The following KLHDC1 variants were observed in gnomAD, a reference collection of about 807,000 sequenced individuals.
The protein encoded by KLHDC1 is kelch domain-containing protein 1.
Under a neutral mutation model 68.3 loss-of-function variants are expected in KLHDC1, and 53 were observed. The observed-to-expected ratio is 0.78, with a 90% confidence interval of 0.62 to 0.98. The LOEUF is 0.98. Among genes scored for constraint, KLHDC1 ranks in the 50% least tolerant of loss-of-function variants. The pLI, the probability that KLHDC1 is intolerant of heterozygous loss-of-function variation, is 0.00. For synonymous variants in KLHDC1, 148 were observed against 159.0 expected (o/e 0.93, Z 0.52); for missense variants, 470 against 492.3 (o/e 0.95, Z 0.43).
At chr14:49,716,289 T>C (rs2139745320) in intron 4 of KLHDC1, among the ~76,000 whole-genome samples, 1 of 152,306 alleles carries the variant, frequency 6.6e-6, no homozygotes, top group African/African-American at 2.4e-5. Context: ...AAAGGTTTTT[T>C]GTTGTTGTTA....
At chr14:49,722,964 G>A (rs1888569519) in intron 4 of KLHDC1, among the ~76,000 whole-genome samples, 1 of 151,884 alleles carries the variant, frequency 6.6e-6, no homozygotes, top group Admixed American at 6.6e-5. Flanking sequence ...GCAGGCGCCT[G>A]TAATCCCAGC....
At position 49,734,622 on chromosome 14, in the gene KLHDC1, G is replaced by T. The variant is rs757001415; in HGVS notation, c.857G>T (p.Cys286Phe). 1 of 1,597,424 alleles carries T rather than the reference G, an allele frequency of 6.3e-7. No homozygotes were observed. The highest frequency in any genetic ancestry group is 1.1e-5 in the South Asian group (1 of 88,928). Residue 286 changes from cysteine (C) to phenylalanine (F), a missense_variant, in exon 10 of 13, where the codon TGT (cysteine) becomes TTT (phenylalanine). Transcript: ENST00000359332. ...TGGATTCATAATGTCACAACAAATT[G>T]TTGGAAACAACTTACACATTTACCT... is the stretch of plus-strand genomic sequence containing the variant. The part of the protein sequence containing the change: ...DGWIHNVTTN[C>F]WKQLTHLPKT...
intron 12 of KLHDC1, among the ~76,000 whole-genome samples, chr14:49,747,588 A>T (rs1889230804): frequency 6.6e-6 from 1 of 152,172 alleles, no homozygotes; most frequent in South Asian, 2.1e-4. Flanking sequence ...TATAGATAGA[A>T]AACTTTTTTG....
intron 10 of KLHDC1, among the ~76,000 whole-genome samples, chr14:49,735,454 A>G (rs912075656): frequency 6.6e-6 from 1 of 152,140 alleles, no homozygotes; most frequent in Non-Finnish European, 1.5e-5. Flanking sequence ...TACTTGAGAA[A>G]AAGGCCTGAA....
chr14:49,740,946 G>A (rs1889050480), intron 11 of KLHDC1, among the ~76,000 whole-genome samples: 1 of 151,838 alleles, frequency 6.6e-6, no homozygotes, highest in African/African-American at 2.4e-5. Flanking sequence ...ATACAAAAAT[G>A]ACCCAGGTGT....
intron 8 of KLHDC1, among the ~76,000 whole-genome samples, chr14:49,731,491 C>T (rs1888807876): frequency 6.6e-6 from 1 of 151,402 alleles, no homozygotes; most frequent in Non-Finnish European, 1.5e-5. Flanking sequence ...TTTTTGGAGA[C>T]GGAGTTTCGC....
intron 1 of KLHDC1, among the ~76,000 whole-genome samples, chr14:49,707,021 C>T (rs1238086855): frequency 2.0e-5 from 3 of 152,112 alleles, no homozygotes; most frequent in Non-Finnish European, 4.4e-5. Context: ...GCTTTGGTGG[C>T]CTGTGCCTGT....
chr14:49,709,615 C>T (rs937232669), intron 2 of KLHDC1, 94 bp from the exon 3 acceptor site: 1 of 591,372 alleles, frequency 1.7e-6, no homozygotes, highest in Admixed American at 3.1e-5. Context: ...TTGACAGTGA[C>T]AGTTTTCACT....
Position 49,740,201 on chromosome 14 carries a change from T to C in KLHDC1, c.981+19T>C. 7.0e-7 allele frequency: 1 copy of C among 1,427,792 alleles called. No homozygotes were observed. Among genetic ancestry groups the C allele is most frequent in the Non-Finnish European group, 9.8e-7 (1 of 1,016,676 alleles). The allele number at this position is 1,427,792 out of a possible 1,614,324, so 88.4% of individuals were successfully genotyped here. A position where few individuals can be genotyped will look rare whatever the true frequency, so the allele number is the denominator to read the frequency against. On this transcript the variant is annotated intron_variant, in intron 11 of 12. Transcript: ENST00000359332. Reference sequence around the variant, plus strand: ...GGATACAGTAAGAAAATCTTATATCTAAATATTTCCTCTGAGTAGTTGTGT... The same window carrying C: ...GGATACAGTAAGAAAATCTTATATCCAAATATTTCCTCTGAGTAGTTGTGT...
At chr14:49,697,927 C>T (rs1339623660) in intron 1 of KLHDC1, among the ~76,000 whole-genome samples, 3 of 152,128 alleles carry the variant, frequency 2.0e-5, no homozygotes, top group African/African-American at 7.2e-5. Flanking sequence ...CAGATACCAA[C>T]AGACGTGTAT....
chr14:49,700,884 C>T (rs1216264227), intron 1 of KLHDC1, among the ~76,000 whole-genome samples: 1 of 151,896 alleles, frequency 6.6e-6, no homozygotes, highest in African/African-American at 2.4e-5. Context: ...AGTTCAAGAC[C>T]AGCCTGGCCA....
intron 10 of KLHDC1, among the ~76,000 whole-genome samples, chr14:49,739,783 G>C (rs546372852): frequency 1.3e-5 from 2 of 152,248 alleles, no homozygotes; most frequent in African/African-American, 2.4e-5. Context: ...GCGTGTGGTG[G>C]CTCATGCCTA....
intron 4 of KLHDC1, among the ~76,000 whole-genome samples, chr14:49,714,442 G>C (rs1420799136): frequency 6.6e-6 from 1 of 151,302 alleles, no homozygotes; most frequent in Non-Finnish European, 1.5e-5. Context: ...CATTGCACTC[G>C]AGCCTGGGTA....
rs34856234 is a variant in KLHDC1, at chr14:49,699,161, CAAAAAAAAAA to C, written c.96+5883_96+5892del. Among the ~76,000 whole-genome samples, 6 of 107,772 alleles carry C rather than the reference CAAAAAAAAAA, an allele frequency of 5.6e-5. No individual in the cohort carries two copies. The East Asian group carries it at 1.7e-3, about 31-fold the overall frequency. 70.7% of individuals were successfully genotyped at this position (107,772 alleles called of 152,430 possible). On this transcript the variant is annotated intron_variant, in intron 1 of 12. Transcript: ENST00000359332. ...TCTGGGTGATAGAGCAAGACTGTCT[CAAAAAAAAAA>C]AAAAAAAAAAATCACAGTTCTTCAG...
At chr14:49,713,610 C>T (rs1204322997) in intron 4 of KLHDC1, among the ~76,000 whole-genome samples, 1 of 150,946 alleles carries the variant, frequency 6.6e-6, no homozygotes, top group Admixed American at 6.6e-5. Flanking sequence ...TGTCGGCCTG[C>T]CCTAGTGGCT....
intron 10 of KLHDC1, among the ~76,000 whole-genome samples, chr14:49,736,614 T>A (rs1477182022): frequency 1.3e-5 from 2 of 152,190 alleles, no homozygotes; most frequent in Non-Finnish European, 2.9e-5. Flanking sequence ...TTTGTACAAA[T>A]TTTTCAAGTT....
Position 49,729,530 on chromosome 14 carries a change from C to G in KLHDC1, c.692C>G (p.Thr231Ser), listed in dbSNP as rs372468275. ...GATTTGCACTATCTAAACCTAGACA[C>G]CTGGACTTGGTCTGGAAGGTAAGTT... is the stretch of plus-strand genomic sequence containing the variant. ...MNDLHYLNLDTWTWSGRITIN... is the reference protein window; with the variant it reads ...MNDLHYLNLDSWTWSGRITIN... The change falls in exon 8 of 13, where the codon ACC becomes AGC. Residue 231 changes from threonine to serine, a missense_variant. Coordinates refer to ENST00000359332, the MANE Select transcript of KLHDC1 (RefSeq NM_172193.3). 2.5e-6 allele frequency: 4 copies of G among 1,610,056 alleles called. No individual in the cohort carries two copies. Among genetic ancestry groups the G allele is most frequent in the Non-Finnish European group, 3.4e-6 (4 of 1,176,674 alleles).
chr14:49,723,359 C>G (rs1402224554), intron 4 of KLHDC1, among the ~76,000 whole-genome samples: 1 of 151,588 alleles, frequency 6.6e-6, no homozygotes, highest in East Asian at 2.0e-4. Context: ...ATGGTGAAAC[C>G]CCATCTCTAC....
chr14:49,712,502 CT>C (rs776185436), intron 4 of KLHDC1, among the ~76,000 whole-genome samples: 2,069 of 133,630 alleles, frequency 0.015, 26 homozygotes, highest in African/African-American at 0.049. Context: ...CATAGATTTT[CT>C]TTTTTTTTTT....
Sources: gnomAD v4.1 joint callset for allele counts (sites outside exome capture counted in the v4.1 genomes callset) on GRCh38, gnomAD v4.1.1 for gene constraint, MANE v1.5 for transcripts, NCBI Gene and HGNC (gene_info 2026-07-23, HGNC 2026-07-21) for gene names.